CCSER1: variants seen among roughly 807,000 people sequenced by gnomAD.
CCSER1 encodes serine-rich coiled-coil domain-containing protein 1.
Under a neutral mutation model 82.0 loss-of-function variants are expected in CCSER1, and 41 were observed. The observed-to-expected ratio is 0.50, with a 90% CI of 0.39 to 0.65. The LOEUF (loss-of-function observed/expected upper bound fraction) is 0.65. Ranked by LOEUF, CCSER1 falls within the 30% of genes least tolerant of loss-of-function variation. The probability of loss-of-function intolerance (pLI) is 0.00; values close to 1 mark genes in which losing one functional copy is unlikely to be tolerated. For missense variants in CCSER1, 1,119 were observed against 1,064.2 expected, an observed-to-expected ratio of 1.05 and a Z score of -0.72; for synonymous variants, 414 against 383.9, an observed-to-expected ratio of 1.08 and a Z score of -0.92.
At chr4:91,437,653 T>C (rs1477428385) in intron 10 of CCSER1, among the ~76,000 whole-genome samples, 1 of 152,174 alleles carries the variant, frequency 6.6e-6, no homozygotes, top group Non-Finnish European at 1.5e-5. Context: ...CAGCGCACCC[T>C]GCGCCAGCCG....
intron 10 of CCSER1, among the ~76,000 whole-genome samples, chr4:91,154,925 C>T (rs1730654809): frequency 6.6e-6 from 1 of 151,788 alleles, no homozygotes; most frequent in Admixed American, 6.6e-5. Context: ...AAGGATGCCA[C>T]CTTTCTAAAA....
intron 10 of CCSER1, among the ~76,000 whole-genome samples, chr4:91,436,464 GA>G (rs1198469000): frequency 6.6e-6 from 1 of 152,140 alleles, no homozygotes; most frequent in Non-Finnish European, 1.5e-5. Flanking sequence ...GCCTCAATGA[GA>G]GTTAATTTTT....
intron 4 of CCSER1, among the ~76,000 whole-genome samples, chr4:90,462,932 A>G (rs1308898093): frequency 1.3e-5 from 2 of 152,310 alleles, no homozygotes; most frequent in African/African-American, 2.4e-5. Context: ...GTGGAACAAT[A>G]GAACAATAAG....
intron 8 of CCSER1, among the ~76,000 whole-genome samples, chr4:90,825,179 C>A (rs1026550304): frequency 6.6e-6 from 1 of 152,116 alleles, no homozygotes; most frequent in South Asian, 2.1e-4. Flanking sequence ...AATAATTGCT[C>A]TATGATTTAA....
chr4:90,520,786 A>G (rs914607257), intron 5 of CCSER1, among the ~76,000 whole-genome samples: 1 of 152,180 alleles, frequency 6.6e-6, no homozygotes, highest in Non-Finnish European at 1.5e-5. Context: ...TAAAATAGAT[A>G]TGTGAAACCT....
In CCSER1 at chr4:90,622,802, AAATG is replaced by A. The variant is rs1722572710; in HGVS notation, c.1725-5222_1725-5219del. On this transcript the variant is annotated intron_variant, in intron 5 of 10. Coordinates refer to ENST00000509176, the MANE Select transcript of CCSER1 (RefSeq NM_001145065.2). ...TACCCAGTAATGGGATGGCTGGGTCAAATGGTATTTCTAGTTCTAGATCCTTGAG... is the reference window on the plus strand; with the variant it reads ...TACCCAGTAATGGGATGGCTGGGTCAGTATTTCTAGTTCTAGATCCTTGAG... Among the ~76,000 whole-genome samples, 3 of 152,060 alleles carry A rather than the reference AAATG, an allele frequency of 2.0e-5. No homozygotes were observed. The South Asian group carries it at 6.2e-4, about 32-fold the overall frequency.
At chr4:91,394,714 C>A (rs1237136099) in intron 10 of CCSER1, among the ~76,000 whole-genome samples, 1 of 151,954 alleles carries the variant, frequency 6.6e-6, no homozygotes, top group Non-Finnish European at 1.5e-5. Context: ...AAAACACCAG[C>A]AAAAACTAAC....
intron 7 of CCSER1, among the ~76,000 whole-genome samples, chr4:90,791,942 A>G (rs1311208338): frequency 2.0e-5 from 3 of 152,236 alleles, no homozygotes; most frequent in East Asian, 1.9e-4. Flanking sequence ...AAATTCATCA[A>G]AATAAAACAG....
chr4:91,446,702 G>T (rs1226009344), intron 10 of CCSER1, among the ~76,000 whole-genome samples: 1 of 128,846 alleles, frequency 7.8e-6, no homozygotes. Context: ...TAATAGTCCT[G>T]CATCCTTTTT....
At chr4:91,266,322 G>A (rs1053742098) in intron 10 of CCSER1, among the ~76,000 whole-genome samples, 4 of 151,492 alleles carry the variant, frequency 2.6e-5, no homozygotes, top group Admixed American at 6.6e-5. Flanking sequence ...GCATGATCTC[G>A]GCTCACTGCA....
At chr4:90,731,322 G>A (rs1377914817) in intron 7 of CCSER1, among the ~76,000 whole-genome samples, 1 of 152,062 alleles carries the variant, frequency 6.6e-6, no homozygotes, top group Non-Finnish European at 1.5e-5. Flanking sequence ...TGTTTGGTTG[G>A]CTTAATTGTG....
chr4:91,353,581 GTCT>G (rs1398036856), intron 10 of CCSER1, among the ~76,000 whole-genome samples: 2 of 152,126 alleles, frequency 1.3e-5, no homozygotes, highest in African/African-American at 4.8e-5. Context: ...ATATGAGAGG[GTCT>G]CTCTCTTTCC....
intron 5 of CCSER1, among the ~76,000 whole-genome samples, chr4:90,535,513 G>T (rs1466645438): frequency 6.6e-6 from 1 of 152,082 alleles, no homozygotes; most frequent in African/African-American, 2.4e-5. Flanking sequence ...TTTTTTTAAA[G>T]AACTATATTG....
intron 5 of CCSER1, among the ~76,000 whole-genome samples, chr4:90,545,143 G>A (rs555667220): frequency 3.9e-5 from 6 of 152,186 alleles, no homozygotes; most frequent in African/African-American, 1.2e-4. Context: ...TTTTCAAGCT[G>A]TATTTATTAA....
At chr4:91,248,890 C>G (rs892190794) in intron 10 of CCSER1, among the ~76,000 whole-genome samples, 3 of 152,006 alleles carry the variant, frequency 2.0e-5, no homozygotes, top group Non-Finnish European at 4.4e-5. Flanking sequence ...TTTGGTAACT[C>G]TATTCTAAAA....
chr4:90,590,492 A>G (rs1170226641), intron 5 of CCSER1, among the ~76,000 whole-genome samples: 3 of 151,970 alleles, frequency 2.0e-5, no homozygotes, highest in Non-Finnish European at 4.4e-5. Flanking sequence ...AAGCAGGAGA[A>G]TCACTTGAAC....
At chr4:91,552,894 G>A (rs1278631710) in intron 10 of CCSER1, among the ~76,000 whole-genome samples, 2 of 151,062 alleles carry the variant, frequency 1.3e-5, no homozygotes, top group Non-Finnish European at 3.0e-5. Flanking sequence ...GCTCTACATA[G>A]GATGTCCAAT....
chr4:91,257,358 A>AT (rs564005187), intron 10 of CCSER1, among the ~76,000 whole-genome samples: 7 of 151,888 alleles, frequency 4.6e-5, no homozygotes, highest in Middle Eastern at 3.4e-3. Context: ...ATTAATCCTA[A>AT]TTTTTTTTAA....
intron 1 of CCSER1, among the ~76,000 whole-genome samples, chr4:90,288,115 TC>T (rs754649436): frequency 1.2e-4 from 19 of 152,014 alleles, no homozygotes; most frequent in Non-Finnish European, 2.6e-4. Flanking sequence ...TCGTTATCTC[TC>T]CTTTGGATTA....
Sources: allele counts gnomAD v4.1 joint callset (sites outside exome capture counted in the v4.1 genomes callset), GRCh38; gene constraint gnomAD v4.1.1; transcripts MANE v1.5; gene names NCBI Gene and HGNC (gene_info 2026-07-23, HGNC 2026-07-21).